The following FASTKD1 variants were observed in gnomAD, a reference collection of about 807,000 sequenced individuals.
The protein encoded by FASTKD1 is FAST kinase domain-containing protein 1, mitochondrial.
FASTKD1 carries 94 observed loss-of-function variants against 90.9 expected under a neutral mutation model. The ratio of observed to expected loss-of-function variants is 1.03; its 90% CI spans 0.88 to 1.23. The LOEUF (loss-of-function observed/expected upper bound fraction) is 1.23, where lower values mean the gene tolerates loss of function less well. Ranked by LOEUF, FASTKD1 falls within the 50% of genes most tolerant of loss-of-function variation. The pLI is 0.00. For synonymous variants in FASTKD1, 319 were observed against 345.8 expected (o/e 0.92, Z 0.86); for missense variants, 945 against 993.5 (o/e 0.95, Z 0.66).
In FASTKD1 at chr2:169,571,846, T is replaced by C. The variant is rs1034540875; in HGVS notation, c.184A>G (p.Ile62Val). 1 of 1,613,984 alleles carries C rather than the reference T, an allele frequency of 6.2e-7. No homozygotes were observed. The highest frequency in any genetic ancestry group is 1.3e-5 in the African/African-American group (1 of 74,940). ...MFGFIERNKA[I>V]LSEKQVGCAF... is the part of the protein sequence containing the mutation. ...CATCCCACTTGCTTTTCTGAAAGTA[T>C]GGCTTTGTTTCTTTCAATAAAACCA... Residue 62 changes from isoleucine to valine, a missense_variant, in exon 2 of 15, where the codon ATA becomes GTA. Transcript: ENST00000453153.
intron 7 of FASTKD1, among the ~76,000 whole-genome samples, chr2:169,551,342 A>G (rs1685481068): frequency 6.6e-6 from 1 of 152,252 alleles, no homozygotes; most frequent in Admixed American, 6.5e-5. Flanking sequence ...GTTCATAAAC[A>G]GTACTGCTGA....
chr2:169,539,097 G>A (rs1425353847), intron 10 of FASTKD1, among the ~76,000 whole-genome samples: 1 of 151,752 alleles, frequency 6.6e-6, no homozygotes, highest in South Asian at 2.1e-4. Context: ...GTGAAACCTC[G>A]TCTCTACTGA....
chr2:169,555,318 CT>C, intron 6 of FASTKD1, 63 bp from the exon 7 acceptor site: 1 of 1,383,668 alleles, frequency 7.2e-7, no homozygotes. Context: ...TACTATGGTG[CT>C]TTCACACCAG....
chr2:169,547,127 G>A (rs373123866), intron 7 of FASTKD1, among the ~76,000 whole-genome samples: 1 of 152,228 alleles, frequency 6.6e-6, no homozygotes, highest in African/African-American at 2.4e-5. Flanking sequence ...ATTTGCTGGA[G>A]TGATTCACAG....
At chr2:169,563,761 A>G (rs1160715319) in intron 3 of FASTKD1, among the ~76,000 whole-genome samples, 1 of 152,202 alleles carries the variant, frequency 6.6e-6, no homozygotes, top group East Asian at 1.9e-4. Flanking sequence ...GAATTCACTA[A>G]AAAACAAGCA....
intron 5 of FASTKD1, among the ~76,000 whole-genome samples, chr2:169,560,098 T>C (rs751070187): frequency 3.2e-4 from 49 of 152,188 alleles, no homozygotes; most frequent in Non-Finnish European, 6.0e-4. Flanking sequence ...GTAAATCCAG[T>C]CATGTAGCAC....
Position 169,534,484 on chromosome 2 carries a change from C to T in FASTKD1, c.2188+2743G>A, listed in dbSNP as rs530208608. 1.0e-4 allele frequency among the ~76,000 whole-genome samples: 12 copies of T among 118,498 alleles called. No homozygotes were observed. In the South Asian group the frequency reaches 3.4e-3, roughly 33 times the overall value. 77.7% of individuals were successfully genotyped at this position (118,498 alleles called of 152,430 possible). On this transcript the variant is annotated intron_variant, in intron 12 of 14. Coordinates refer to ENST00000453153, the MANE Select transcript of FASTKD1 (RefSeq NM_024622.6). Reference sequence around the variant, plus strand: ...TTTTCTTTTTTTTTTTTTTTTGATACAGAGTCTCACTGTCGCTCAGGTTGG... The same window carrying T: ...TTTTCTTTTTTTTTTTTTTTTGATATAGAGTCTCACTGTCGCTCAGGTTGG...
intron 13 of FASTKD1, 29 bp downstream of exon 13, chr2:169,531,323 A>T (rs775654764): frequency 1.9e-6 from 3 of 1,602,640 alleles, no homozygotes; most frequent in South Asian, 2.2e-5. Context: ...TTAGATATTA[A>T]TACAATCTAA....
At chr2:169,568,459 T>A (rs191190351) in intron 3 of FASTKD1, among the ~76,000 whole-genome samples, 2 of 151,868 alleles carry the variant, frequency 1.3e-5, no homozygotes, top group Admixed American at 1.3e-4. Context: ...TATTCCCCAC[T>A]CTTAAAGAGG....
chr2:169,569,753 C>T (rs751758914), intron 2 of FASTKD1, among the ~76,000 whole-genome samples: 1 of 151,926 alleles, frequency 6.6e-6, no homozygotes. Context: ...CAGGAGGCTA[C>T]GGCAGGAAAA....
At chr2:169,537,094 G>T in intron 12 of FASTKD1, 133 bp downstream of exon 12, 1 of 553,662 alleles carries the variant, frequency 1.8e-6, no homozygotes, top group Non-Finnish European at 3.2e-6. Context: ...TTCTATCTCC[G>T]TTTGAAAATT....
intron 7 of FASTKD1, among the ~76,000 whole-genome samples, chr2:169,547,884 CAAAAAAAA>C (rs1158292826): frequency 7.2e-3 from 153 of 21,284 alleles, no homozygotes; most frequent in African/African-American, 0.015. Context: ...GACTCCATCT[CAAAAAAAA>C]AAAAAAAAAA....
intron 7 of FASTKD1, among the ~76,000 whole-genome samples, chr2:169,549,184 C>A (rs966929059): frequency 6.6e-6 from 1 of 152,054 alleles, no homozygotes; most frequent in Admixed American, 6.6e-5. Context: ...TACCTGAGGT[C>A]GGGAGTTCGA....
intron 3 of FASTKD1, among the ~76,000 whole-genome samples, chr2:169,564,933 G>GTA (rs1350384751): frequency 6.8e-6 from 1 of 146,750 alleles, no homozygotes; most frequent in African/African-American, 2.5e-5. Context: ...ACCCCATTGT[G>GTA]TATATATACC....
rs556170160 is a variant in FASTKD1, at chr2:169,569,229, G to A, written c.401C>T (p.Pro134Leu). Reference sequence around the variant, plus strand: ...TTCTGTAACTAGTGCTTCAACTAGCGGGTCATGGGCCTCACCAGCAAACCT... The same window carrying A: ...TTCTGTAACTAGTGCTTCAACTAGCAGGTCATGGGCCTCACCAGCAAACCT... ...TQQFAGEAHD[P>L]LVEALVTEAW... Residue 134 changes from proline to leucine, a missense_variant, in exon 3 of 15, where the codon CCG becomes CTG. Physicochemically the swap from Pro to Leu is moderately conservative, Grantham distance 98. Coordinates refer to ENST00000453153, the MANE Select transcript of FASTKD1 (RefSeq NM_024622.6). The A allele has an allele frequency of 5.8e-5, 94 of 1,613,866 alleles. 1 individual carries two copies. In the South Asian group the frequency reaches 6.6e-4, roughly 11 times the overall value.
chr2:169,558,426 C>A (rs534681540), intron 5 of FASTKD1, among the ~76,000 whole-genome samples: 10 of 150,902 alleles, frequency 6.6e-5, no homozygotes, highest in Admixed American at 4.6e-4. Context: ...CCTGCCATCA[C>A]TCCCGGCTAA....
chr2:169,558,133 C>T (rs2683454), intron 5 of FASTKD1, among the ~76,000 whole-genome samples: 86,221 of 152,130 alleles, frequency 0.57, 24,693 homozygotes, highest in Middle Eastern at 0.71. Flanking sequence ...TATATCTATC[C>T]TCTCAATTGC....
chr2:169,553,650 GCTCACGC>G (rs1446523974), intron 7 of FASTKD1, among the ~76,000 whole-genome samples: 1 of 152,158 alleles, frequency 6.6e-6, no homozygotes, highest in Non-Finnish European at 1.5e-5. Flanking sequence ...GGGCGCAGTG[GCTCACGC>G]CTGTAATCCC....
intron 7 of FASTKD1, among the ~76,000 whole-genome samples, chr2:169,553,741 C>A (rs1685604453): frequency 6.6e-6 from 1 of 151,714 alleles, no homozygotes; most frequent in Non-Finnish European, 1.5e-5. Flanking sequence ...CACAGTGAAA[C>A]CCCATCTCTA....
Sources: gnomAD v4.1 joint callset for allele counts (sites outside exome capture counted in the v4.1 genomes callset) on GRCh38, gnomAD v4.1.1 for gene constraint, MANE v1.5 for transcripts, NCBI Gene and HGNC (gene_info 2026-07-23, HGNC 2026-07-21) for gene names.